INPP5A: variants seen among roughly 807,000 people sequenced by gnomAD.
The protein encoded by INPP5A is 43 kDa inositol polyphosphate 5-phophatase.
Under a neutral mutation model 65.2 loss-of-function variants are expected in INPP5A, and 14 were observed. That is an observed-to-expected ratio of 0.21 (90% confidence interval 0.14 to 0.34). The LOEUF (loss-of-function observed/expected upper bound fraction) is 0.34. INPP5A is among the 10% of genes least tolerant of loss of function. INPP5A has a pLI of 1.00. For synonymous variants in INPP5A, 207 were observed against 208.3 expected (o/e 0.99, Z 0.05); for missense variants, 431 against 545.6 (o/e 0.79, Z 2.09).
At chr10:132,768,839 G>A (rs1025237286) in intron 12 of INPP5A, among the ~76,000 whole-genome samples, 3 of 152,238 alleles carry the variant, frequency 2.0e-5, no homozygotes, top group South Asian at 2.1e-4. Flanking sequence ...CAAACCGGCC[G>A]AGCAGCCAAG....
intron 2 of INPP5A, among the ~76,000 whole-genome samples, chr10:132,631,152 G>A (rs866993982): frequency 3.3e-5 from 5 of 152,194 alleles, no homozygotes; most frequent in South Asian, 2.1e-4. Flanking sequence ...GGCTGCCTGC[G>A]GTGAGGTCAT....
intron 1 of INPP5A, among the ~76,000 whole-genome samples, chr10:132,589,819 G>C (rs1232570619): frequency 4.6e-5 from 7 of 152,222 alleles, no homozygotes; most frequent in African/African-American, 1.4e-4. Flanking sequence ...GTGCAGACCA[G>C]CAGTGCGAGG....
chr10:132,602,865 C>T (rs1394392323), intron 1 of INPP5A, among the ~76,000 whole-genome samples: 1 of 152,192 alleles, frequency 6.6e-6, no homozygotes, highest in Non-Finnish European at 1.5e-5. Flanking sequence ...CAGGCACGTT[C>T]TCTCTCAGAG....
chr10:132,756,165 T>G lies in INPP5A; in HGVS notation c.903+6320T>G, dbSNP rs953081568. ...CAGGAATTGAAGAGAAAAGCAAGTG[T>G]GGGGGGGGAGTGTGTGTGTGTACAC... On this transcript the variant is annotated intron_variant, in intron 11 of 15. Coordinates refer to ENST00000368594, the MANE Select transcript of INPP5A (RefSeq NM_005539.5). 7.3e-5 allele frequency among the ~76,000 whole-genome samples: 11 copies of G among 151,414 alleles called. No individual in the cohort carries two copies. In the East Asian group the frequency reaches 1.2e-3, roughly 16 times the overall value.
intron 8 of INPP5A, among the ~76,000 whole-genome samples, chr10:132,715,187 C>A (rs958492145): frequency 1.3e-5 from 2 of 152,250 alleles, no homozygotes. Context: ...GTCCCGAAAC[C>A]TTCCTGAGCT....
At chr10:132,639,840 A>C (rs778801360) in intron 2 of INPP5A, among the ~76,000 whole-genome samples, 2 of 152,146 alleles carry the variant, frequency 1.3e-5, no homozygotes, top group Non-Finnish European at 2.9e-5. Context: ...GTTCTCTGTC[A>C]TCTTCATTTT....
chr10:132,541,741 A>T (rs2070909052), intron 1 of INPP5A, among the ~76,000 whole-genome samples: 1 of 152,210 alleles, frequency 6.6e-6, no homozygotes, highest in Non-Finnish European at 1.5e-5. Context: ...ATTTTGTAGT[A>T]TTATGGAAAT....
At chr10:132,703,197 G>A (rs866328668) in intron 6 of INPP5A, among the ~76,000 whole-genome samples, 11 of 152,262 alleles carry the variant, frequency 7.2e-5, no homozygotes, top group Non-Finnish European at 1.3e-4. Context: ...TTGCATCAGC[G>A]AGGACAGATC....
chr10:132,564,752 T>G (rs1032273798), intron 1 of INPP5A, among the ~76,000 whole-genome samples: 4 of 152,332 alleles, frequency 2.6e-5, no homozygotes, highest in African/African-American at 9.6e-5. Context: ...TGGGCCCAGC[T>G]CTTGTTTGGA....
At chr10:132,731,001 G>A (rs556468304) in intron 9 of INPP5A, among the ~76,000 whole-genome samples, 75 of 152,314 alleles carry the variant, frequency 4.9e-4, no homozygotes, top group Non-Finnish European at 9.7e-4. Context: ...GAACATTCCC[G>A]TGGACTTGCT....
chr10:132,729,893 T>C (rs1846051608), intron 9 of INPP5A, among the ~76,000 whole-genome samples: 1 of 152,326 alleles, frequency 6.6e-6, no homozygotes, highest in South Asian at 2.1e-4. Flanking sequence ...TGCCACTTTC[T>C]CCTGAGAGTC....
chr10:132,722,464 C>T (rs990115552), intron 8 of INPP5A, among the ~76,000 whole-genome samples: 5 of 152,242 alleles, frequency 3.3e-5, no homozygotes, highest in Non-Finnish European at 7.3e-5. Context: ...CGATGACGCT[C>T]TCCCGCCACC....
intron 11 of INPP5A, among the ~76,000 whole-genome samples, chr10:132,763,612 C>A (rs1207696176): frequency 4.0e-5 from 6 of 151,844 alleles, no homozygotes; most frequent in African/African-American, 1.5e-4. Flanking sequence ...CATGCAAACA[C>A]ACACATGCCT....
chr10:132,618,215 A>C (rs1185316155), intron 2 of INPP5A, among the ~76,000 whole-genome samples: 1 of 152,260 alleles, frequency 6.6e-6, no homozygotes. Context: ...GAGACCCAGT[A>C]AGATGTAGAA....
At chr10:132,573,068 G>T (rs112387694) in intron 1 of INPP5A, among the ~76,000 whole-genome samples, 1 of 149,466 alleles carries the variant, frequency 6.7e-6, no homozygotes, top group South Asian at 2.2e-4. Flanking sequence ...TTGTTGAGAT[G>T]TTGGGGTGTG....
At chr10:132,677,173 T>C (rs2072977983) in intron 4 of INPP5A, among the ~76,000 whole-genome samples, 1 of 152,232 alleles carries the variant, frequency 6.6e-6, no homozygotes, top group African/African-American at 2.4e-5. Flanking sequence ...CTGAGGTGTC[T>C]GAAGCTGTTT....
intron 6 of INPP5A, among the ~76,000 whole-genome samples, chr10:132,703,790 CCA>C (rs1473387866): frequency 1.2e-5 from 1 of 86,534 alleles, no homozygotes; most frequent in Admixed American, 1.2e-4. Context: ...AGCTTCACCC[CCA>C]CACACACGCT....
rs1845553771 is a variant in INPP5A, at chr10:132,707,395, C to G, written c.475-918C>G. On this transcript the variant is annotated intron_variant, in intron 6 of 15. Coordinates refer to ENST00000368594, the MANE Select transcript of INPP5A (RefSeq NM_005539.5). This position sits in a 1 kb window ranked among gnomAD's most constrained non-coding sequence, Gnocchi z 5.5. ...TTGGACTTGACTCTGTCAGCCTCTT[C>G]CCAGTGCCTTCTGTGGTTTTCAAGG... Among the ~76,000 whole-genome samples, 1 of 152,278 alleles carries G rather than the reference C, an allele frequency of 6.6e-6. No homozygotes were observed. Among genetic ancestry groups the G allele is most frequent in the South Asian group, 2.1e-4 (1 of 4,836 alleles).
At chr10:132,655,458 C>T (rs945808417) in intron 4 of INPP5A, among the ~76,000 whole-genome samples, 2 of 152,242 alleles carry the variant, frequency 1.3e-5, no homozygotes, top group South Asian at 2.1e-4. Flanking sequence ...ACAGCTCCAA[C>T]AGCACAGAAA....
Sources: allele counts gnomAD v4.1 joint callset (sites outside exome capture counted in the v4.1 genomes callset), GRCh38; gene constraint gnomAD v4.1.1; non-coding constraint Gnocchi (gnomAD v3.1); transcripts MANE v1.5; gene names NCBI Gene and HGNC (gene_info 2026-07-23, HGNC 2026-07-21).